Variants in ZEB1 observed in about 807,000 individuals in gnomAD.
ZEB1 encodes zinc finger E-box binding homeobox 1.
In ZEB1, 21 loss-of-function variants were observed where a neutral mutation model predicts 84.9. That is an observed-to-expected ratio of 0.25 (90% CI 0.18 to 0.36). The LOEUF is 0.36. Among genes scored for constraint, ZEB1 ranks in the 10% least tolerant of loss-of-function variants. The pLI is 1.00. For synonymous variants in ZEB1, 420 were observed against 471.1 expected (o/e 0.89, Z 1.41); for missense variants, 1,104 against 1,330.2 (o/e 0.83, Z 2.65).
intron 1 of ZEB1, among the ~76,000 whole-genome samples, chr10:31,362,395 C>A (rs2043392336): frequency 6.7e-6 from 1 of 148,852 alleles, no homozygotes; most frequent in Non-Finnish European, 1.5e-5. Context: ...TCCTCGCTTC[C>A]CAGAGTGTAG....
chr10:31,500,108 T>C (rs2067901818), intron 3 of ZEB1, among the ~76,000 whole-genome samples: 2 of 152,162 alleles, frequency 1.3e-5, no homozygotes, highest in Admixed American at 1.3e-4. Context: ...GAAATAAATA[T>C]TTTATAATAT....
chr10:31,387,178 A>G (rs1395608076), intron 1 of ZEB1: 1 of 985,746 alleles, frequency 1.0e-6, no homozygotes, highest in Non-Finnish European at 1.2e-6. Context: ...TCCTGCACCA[A>G]GAAAGATCTG....
intron 1 of ZEB1, chr10:31,363,593 C>G (rs181562796): frequency 6.6e-7 from 1 of 1,520,272 alleles, no homozygotes; most frequent in Non-Finnish European, 8.8e-7. Context: ...GGCTCTTCTG[C>G]GCTCACCTCC....
At chr10:31,331,321 C>G (rs1443286193) in intron 1 of ZEB1, among the ~76,000 whole-genome samples, 4 of 151,844 alleles carry the variant, frequency 2.6e-5, no homozygotes, top group African/African-American at 9.7e-5. Flanking sequence ...CTCCTGACAT[C>G]GTGATCTGCC....
At chr10:31,501,223 C>T (rs1042616584) in intron 3 of ZEB1, among the ~76,000 whole-genome samples, 2 of 152,222 alleles carry the variant, frequency 1.3e-5, no homozygotes, top group African/African-American at 4.8e-5. Flanking sequence ...GGGAGCCATA[C>T]TAAGGCATTG....
At chr10:31,449,583 T>TC (rs1240359284) in intron 1 of ZEB1, among the ~76,000 whole-genome samples, 1 of 152,156 alleles carries the variant, frequency 6.6e-6, no homozygotes, top group Non-Finnish European at 1.5e-5. Flanking sequence ...TAATGCATTT[T>TC]CCCCCCACTA....
chr10:31,362,995 G>T (rs763674598), intron 1 of ZEB1: 4 of 1,534,016 alleles, frequency 2.6e-6, no homozygotes, highest in Non-Finnish European at 3.5e-6. Flanking sequence ...AAGCTTTGCC[G>T]GTGGGGGCCG....
At chr10:31,459,853 G>A (rs2061628101) in intron 1 of ZEB1, among the ~76,000 whole-genome samples, 1 of 150,738 alleles carries the variant, frequency 6.6e-6, no homozygotes, top group Non-Finnish European at 1.5e-5. Context: ...GTGTGTGTGT[G>A]TGTGTGTGTG....
intron 2 of ZEB1, among the ~76,000 whole-genome samples, chr10:31,481,061 T>C (rs1388370833): frequency 1.3e-5 from 2 of 152,094 alleles, no homozygotes; most frequent in African/African-American, 4.8e-5. Context: ...CTTCCAGTTA[T>C]TAAATTTGTC....
chr10:31,493,129 C>G (rs568512396), intron 2 of ZEB1, among the ~76,000 whole-genome samples: 2 of 152,058 alleles, frequency 1.3e-5, no homozygotes, highest in South Asian at 4.1e-4. Context: ...CTCTACCTTG[C>G]CGCATTCCTT....
chr10:31,323,249 A>G (rs1197240222), intron 1 of ZEB1, among the ~76,000 whole-genome samples: 2 of 152,078 alleles, frequency 1.3e-5, no homozygotes, highest in Admixed American at 6.5e-5. Flanking sequence ...ATACTTTTTA[A>G]TCACCCCTTT....
At chr10:31,444,961 G>T (rs995601035) in intron 1 of ZEB1, among the ~76,000 whole-genome samples, 26 of 151,668 alleles carry the variant, frequency 1.7e-4, no homozygotes, top group Admixed American at 9.2e-4. Context: ...GAAAGTCATT[G>T]GTAGCTTGAT....
intron 5 of ZEB1, among the ~76,000 whole-genome samples, chr10:31,511,993 C>T (rs1487092890): frequency 6.6e-6 from 1 of 152,114 alleles, no homozygotes; most frequent in Non-Finnish European, 1.5e-5. Context: ...TGAAGGAGCA[C>T]TTGAAACAGG....
intron 1 of ZEB1, among the ~76,000 whole-genome samples, chr10:31,450,770 T>C (rs923876903): frequency 6.6e-6 from 1 of 152,222 alleles, no homozygotes; most frequent in Non-Finnish European, 1.5e-5. Flanking sequence ...TTTATGTTAA[T>C]ATAGTAAAAG....
intron 2 of ZEB1, among the ~76,000 whole-genome samples, chr10:31,477,479 G>C (rs868049042): frequency 6.6e-6 from 1 of 151,950 alleles, no homozygotes; most frequent in East Asian, 1.9e-4. Context: ...AATTACCAAT[G>C]TCATTCTTCA....
At chr10:31,449,755 C>T (rs1448017367) in intron 1 of ZEB1, among the ~76,000 whole-genome samples, 2 of 152,094 alleles carry the variant, frequency 1.3e-5, no homozygotes, top group Non-Finnish European at 2.9e-5. Flanking sequence ...ACCACCATTA[C>T]TATTATTTTT....
At chr10:31,323,468 G>A (rs143045354) in intron 1 of ZEB1, among the ~76,000 whole-genome samples, 1 of 152,176 alleles carries the variant, frequency 6.6e-6, no homozygotes, top group African/African-American at 2.4e-5. Flanking sequence ...TTAGATGTTA[G>A]TGATTTTTAG....
intron 1 of ZEB1, among the ~76,000 whole-genome samples, chr10:31,388,730 T>A (rs2049091512): frequency 6.6e-6 from 1 of 152,032 alleles, no homozygotes; most frequent in Non-Finnish European, 1.5e-5. Flanking sequence ...TACGTACAGT[T>A]TTTTTTAATT....
chr10:31,355,953 A>C (rs954453925), intron 1 of ZEB1, among the ~76,000 whole-genome samples: 2 of 152,118 alleles, frequency 1.3e-5, no homozygotes, highest in African/African-American at 4.8e-5. Flanking sequence ...GTTAGATGCT[A>C]TTTCGGTAGG....
Sources: allele counts gnomAD v4.1 joint callset (sites outside exome capture counted in the v4.1 genomes callset), GRCh38; gene constraint gnomAD v4.1.1; transcripts MANE v1.5; gene names NCBI Gene and HGNC (gene_info 2026-07-23, HGNC 2026-07-21).